Variants in CASZ1 observed in about 807,000 individuals in gnomAD.
CASZ1 encodes castor zinc finger 1.
Under a neutral mutation model 135.2 loss-of-function variants are expected in CASZ1, and 28 were observed. That is an observed-to-expected ratio of 0.21 (90% CI 0.15 to 0.28). The LOEUF (loss-of-function observed/expected upper bound fraction) is 0.28, where lower values mean the gene tolerates loss of function less well. CASZ1 is among the 10% of genes least tolerant of loss of function. The pLI is 1.00. For missense variants in CASZ1, 2,161 were observed against 2,453.3 expected, an observed-to-expected ratio of 0.88 and a Z score of 2.52; for synonymous variants, 1,068 against 1,073.4, an observed-to-expected ratio of 0.99 and a Z score of 0.10.
rs4002551 is a variant in CASZ1, at chr1:10,794,176, CGTGTGT to C, written c.-234+2382_-234+2387del. ...GTGTGTGCGTGTTTGTATGTGTATG[CGTGTGT>C]GTGTGTGTGTGTGTGTGCGCGCGCG... On this transcript the variant is annotated intron_variant, in intron 1 of 20. Transcript: ENST00000377022. This position sits in a 1 kb window ranked among gnomAD's most constrained non-coding sequence, Gnocchi z 5.6. 6.0e-3 allele frequency among the ~76,000 whole-genome samples: 890 copies of C among 148,488 alleles called. 7 individuals carry two copies. The highest frequency in any genetic ancestry group is 0.05 in the Middle Eastern group (14 of 278).
chr1:10,638,799 G>T lies in CASZ1; in HGVS notation c.*143C>A. 1 of 836,320 alleles carries T rather than the reference G, an allele frequency of 1.2e-6. No individual in the cohort carries two copies. The highest frequency in any genetic ancestry group is 1.4e-6 in the Non-Finnish European group (1 of 694,170). 51.8% of individuals were successfully genotyped at this position (836,320 alleles called of 1,614,324 possible). On this transcript the variant is annotated 3_prime_UTR_variant, in exon 21 of 21. Coordinates refer to ENST00000377022, the MANE Select transcript of CASZ1 (RefSeq NM_001079843.3). The surrounding 1 kb of genome is among the most constrained non-coding windows in gnomAD (Gnocchi z 5.9). ...TCCTCGGCCGCGGAGCACCAGAGGG[G>T]TCCCCGCCTCTGTCCTGAGACGGAC...
At position 10,639,841 on chromosome 1, in the gene CASZ1, G is replaced by T. The variant is rs1403222673; in HGVS notation, c.4381C>A (p.Arg1461Ser). The change falls in exon 21 of 21, where the codon CGC becomes AGC. Residue 1461 changes from arginine (R) to serine (S), a missense_variant. Coordinates refer to ENST00000377022, the MANE Select transcript of CASZ1 (RefSeq NM_001079843.3). The surrounding 1 kb of genome is among the most constrained non-coding windows in gnomAD (Gnocchi z 4.0). ...CAGAACTTGTAGCCGCAGTTCTCGC[G>T]CGTGCAGTGGTAGTGGGTGACCTTG... ...SLKVTHYHCT[R>S]ENCGYKFCGR... The T allele has an allele frequency of 6.2e-7, 1 of 1,611,622 alleles. No homozygotes were observed. Among genetic ancestry groups the T allele is most frequent in the Non-Finnish European group, 8.5e-7 (1 of 1,179,388 alleles).
intron 2 of CASZ1, among the ~76,000 whole-genome samples, chr1:10,750,775 T>C (rs1231027431): frequency 2.6e-5 from 4 of 152,132 alleles, no homozygotes; most frequent in African/African-American, 9.7e-5. Flanking sequence ...TGGCGCGACC[T>C]GTAATCTCAG....
At chr1:10,656,811 G>C (rs1194515050) in intron 7 of CASZ1, 75 bp from the exon 8 acceptor site, 1 of 989,786 alleles carries the variant, frequency 1.0e-6, no homozygotes, top group Admixed American at 2.0e-5. Context: ...CCCAGCCCCA[G>C]GGAGGACTCT....
rs1009559477 is a variant in CASZ1, at chr1:10,735,210, G to A, written c.-77+25491C>T. Among the ~76,000 whole-genome samples, 13 of 152,286 alleles carry A rather than the reference G, an allele frequency of 8.5e-5. No homozygotes were observed. The South Asian group carries it at 1.7e-3, about 19-fold the overall frequency. ...GCATCACAAAATTAGTTGTCATGGC[G>A]ACGGGTTAATTACATCTCAAATTAA... is the stretch of plus-strand genomic sequence containing the variant. On this transcript the variant is annotated intron_variant, in intron 2 of 20. Transcript: ENST00000377022. This position sits in a 1 kb window ranked among gnomAD's most constrained non-coding sequence, Gnocchi z 5.1.
In CASZ1 at chr1:10,777,426, T is replaced by C. The variant is rs948314131; in HGVS notation, c.-233-16569A>G. On this transcript the variant is annotated intron_variant, in intron 1 of 20. Coordinates refer to ENST00000377022, the MANE Select transcript of CASZ1 (RefSeq NM_001079843.3). This position sits in a 1 kb window ranked among gnomAD's most constrained non-coding sequence, Gnocchi z 4.4. Reference sequence around the variant, plus strand: ...ACCGCATCATTCCCACAAAATCCTCTGAGCTCATGCGGAAGGAAGAATTGC... The same window carrying C: ...ACCGCATCATTCCCACAAAATCCTCCGAGCTCATGCGGAAGGAAGAATTGC... 1.1e-4 allele frequency among the ~76,000 whole-genome samples: 17 copies of C among 152,130 alleles called. No homozygotes were observed. The highest frequency in any genetic ancestry group is 1.3e-4 in the Non-Finnish European group (9 of 68,026).
chr1:10,639,332 G>T lies in CASZ1; in HGVS notation c.4890C>A (p.Leu1630=). The change falls in exon 21 of 21, where the codon CTC becomes CTA. Residue 1630 remains leucine (L), a synonymous_variant. Transcript: ENST00000377022. This position sits in a 1 kb window ranked among gnomAD's most constrained non-coding sequence, Gnocchi z 4.0. The part of the protein sequence containing the change: ...LSLGAEPGSL[L]FLQSAAAGLG... ...GGCCGGCGGCCGCCGACTGCAGGAA[G>T]AGCAGCGAGCCCGGCTCGGCGCCCA... is the stretch of plus-strand genomic sequence containing the variant. 1.3e-6 allele frequency: 2 copies of T among 1,489,108 alleles called. No individual in the cohort carries two copies. The highest frequency in any genetic ancestry group is 1.3e-5 in the South Asian group (1 of 77,912). 92.2% of individuals were successfully genotyped at this position (1,489,108 alleles called of 1,614,324 possible).
At position 10,654,419 on chromosome 1, in the gene CASZ1, C is replaced by T. The variant is rs1453092851; in HGVS notation, c.1838G>A (p.Arg613Lys). The T allele has an allele frequency of 6.2e-7, 1 of 1,613,232 alleles. No individual in the cohort carries two copies. Among genetic ancestry groups the T allele is most frequent in the Non-Finnish European group, 8.5e-7 (1 of 1,179,414 alleles). ...AGGCCCCCACCAGGCTCCCGCTTAC[C>T]TGCAGTGGAAGTGCGTGGTCTTCTG... Reference protein sequence around the residue: ...YGQKTTHFHCRRPGCTFTFKN... With the variant: ...YGQKTTHFHCKRPGCTFTFKN... Residue 613 changes from arginine (R) to lysine (K), a missense_variant and splice_region_variant, in exon 10 of 21, where the codon AGG becomes AAG. Coordinates refer to ENST00000377022, the MANE Select transcript of CASZ1 (RefSeq NM_001079843.3).
chr1:10,740,960 CA>C (rs374464130), intron 2 of CASZ1, among the ~76,000 whole-genome samples: 45 of 61,482 alleles, frequency 7.3e-4, no homozygotes, highest in East Asian at 3.6e-3. Context: ...CCTGTCTGGA[CA>C]AAAAAAAAAA....
At chr1:10,680,753 TC>T (rs1165778387) in intron 4 of CASZ1, among the ~76,000 whole-genome samples, 1 of 152,130 alleles carries the variant, frequency 6.6e-6, no homozygotes, top group African/African-American at 2.4e-5. Flanking sequence ...GAAGCCTCCG[TC>T]CCACCCCACT....
intron 4 of CASZ1, among the ~76,000 whole-genome samples, chr1:10,667,916 T>C (rs1283287787): frequency 6.9e-6 from 1 of 144,494 alleles, no homozygotes; most frequent in Non-Finnish European, 1.5e-5. Context: ...CCCCACCAGC[T>C]GCGGTGCAGC....
intron 1 of CASZ1, among the ~76,000 whole-genome samples, chr1:10,773,173 G>A (rs1346927981): frequency 1.3e-5 from 2 of 152,158 alleles, no homozygotes; most frequent in Non-Finnish European, 2.9e-5. Flanking sequence ...ATCAAACATA[G>A]GCTGGGCAGG....
chr1:10,708,134 G>A (rs1478751270), intron 2 of CASZ1, among the ~76,000 whole-genome samples: 1 of 152,346 alleles, frequency 6.6e-6, no homozygotes, highest in East Asian at 1.9e-4. Context: ...TCTGTCCAGA[G>A]GTAGATGGCA....
At chr1:10,658,771 G>A (rs1475606314) in intron 6 of CASZ1, among the ~76,000 whole-genome samples, 195 bp from the exon 7 acceptor site, 1 of 152,242 alleles carries the variant, frequency 6.6e-6, no homozygotes, top group Non-Finnish European at 1.5e-5. Flanking sequence ...AACTCTGGGA[G>A]GGCAGTGCCA....
At chr1:10,686,336 T>TC (rs1211054882) in intron 4 of CASZ1, among the ~76,000 whole-genome samples, 1 of 151,730 alleles carries the variant, frequency 6.6e-6, no homozygotes, top group Non-Finnish European at 1.5e-5. Context: ...TCAGAAATCA[T>TC]CCCCCGCCCC....
Position 10,647,711 on chromosome 1 carries a change from G to A in CASZ1, c.3497+90C>T, listed in dbSNP as rs1289201846. 8.8e-6 allele frequency: 14 copies of A among 1,583,112 alleles called. No individual in the cohort carries two copies. The highest frequency in any genetic ancestry group is 1.1e-5 in the South Asian group (1 of 88,382). ...GCTGGGGACAGCAGCACCATCCGCA[G>A]TGAGGAACAGGGCCTCCTAGCGCCC... On this transcript the variant is annotated intron_variant, in intron 16 of 20. Coordinates refer to ENST00000377022, the MANE Select transcript of CASZ1 (RefSeq NM_001079843.3). This position sits in a 1 kb window ranked among gnomAD's most constrained non-coding sequence, Gnocchi z 4.9.
Position 10,694,385 on chromosome 1 carries a change from G to A in CASZ1, c.-23-473C>T. 2.0e-6 allele frequency: 2 copies of A among 1,015,614 alleles called. No individual in the cohort carries two copies. Among genetic ancestry groups the A allele is most frequent in the Admixed American group, 3.3e-5 (1 of 30,314 alleles). 62.9% of individuals were successfully genotyped at this position (1,015,614 alleles called of 1,614,324 possible). A position where few individuals can be genotyped will look rare whatever the true frequency, so the allele number is the denominator to read the frequency against. ...GCCTAATTGCAACTGATTACTCCCCGAATAACAAGTTGTTTTAAAGCCCTG... is the reference window on the plus strand; with the variant it reads ...GCCTAATTGCAACTGATTACTCCCCAAATAACAAGTTGTTTTAAAGCCCTG... On this transcript the variant is annotated intron_variant, in intron 3 of 20. Coordinates refer to ENST00000377022, the MANE Select transcript of CASZ1 (RefSeq NM_001079843.3). The surrounding 1 kb of genome is among the most constrained non-coding windows in gnomAD (Gnocchi z 6.6).
At position 10,739,364 on chromosome 1, in the gene CASZ1, GGGCCCAGGGTGGCCACGGTGAGGA is replaced by G. The variant is rs1211901108; in HGVS notation, c.-77+21313_-77+21336del. 1.3e-5 allele frequency among the ~76,000 whole-genome samples: 2 copies of G among 152,104 alleles called. No homozygotes were observed. The highest frequency in any genetic ancestry group is 2.9e-5 in the Non-Finnish European group (2 of 67,998). ...GCGAGGGAAACCCTCCCAGGGGCCC[GGGCCCAGGGTGGCCACGGTGAGGA>G]GGAGGAGGACCACATGCGCAGGGAA... On this transcript the variant is annotated intron_variant, in intron 2 of 20. Coordinates refer to ENST00000377022, the MANE Select transcript of CASZ1 (RefSeq NM_001079843.3). The surrounding 1 kb of genome is among the most constrained non-coding windows in gnomAD (Gnocchi z 4.8).
intron 3 of CASZ1, among the ~76,000 whole-genome samples, chr1:10,702,885 G>T (rs1233662231): frequency 6.6e-6 from 1 of 152,070 alleles, no homozygotes; most frequent in Non-Finnish European, 1.5e-5. Context: ...ACGCTGAAAG[G>T]TTAATGCAAT....
Sources: gnomAD v4.1 joint callset for allele counts (sites outside exome capture counted in the v4.1 genomes callset) on GRCh38, gnomAD v4.1.1 for gene constraint, Gnocchi (gnomAD v3.1) non-coding constraint, MANE v1.5 for transcripts, NCBI Gene and HGNC (gene_info 2026-07-23, HGNC 2026-07-21) for gene names.